Variants in NCALD observed in about 807,000 individuals in gnomAD.
NCALD encodes the protein neurocalcin-delta.
Under a neutral mutation model 18.6 loss-of-function variants are expected in NCALD, and 10 were observed. The observed-to-expected ratio is 0.54, with a 90% CI of 0.33 to 0.91. The LOEUF (loss-of-function observed/expected upper bound fraction) is 0.91. Ranked by LOEUF, NCALD falls within the 40% of genes least tolerant of loss-of-function variation. The pLI is 0.03. For synonymous variants in NCALD, 88 were observed against 87.4 expected, an observed-to-expected ratio of 1.01 and a Z score of -0.04; for missense variants, 184 against 247.6, an observed-to-expected ratio of 0.74 and a Z score of 1.72.
At chr8:101,890,337 G>A (rs1236910905) in intron 3 of NCALD, among the ~76,000 whole-genome samples, 1 of 152,070 alleles carries the variant, frequency 6.6e-6, no homozygotes, top group Non-Finnish European at 1.5e-5. Context: ...TAACCACTTG[G>A]AACAATTTAA....
Position 101,689,330 on chromosome 8 carries a change from C to A in NCALD, c.561G>T (p.Pro187=). Reference sequence around the variant, plus strand: ...GGGCTCAGAACTGGCCGGCACTGCTCGGGTCGCACTGCAGGAGGCGCACAA... The same window carrying A: ...GGGCTCAGAACTGGCCGGCACTGCTAGGGTCGCACTGCAGGAGGCGCACAA... ...PSIVRLLQCD[P]SSAGQF The change falls in exon 4 of 4, where the codon CCG becomes CCT. Residue 187 remains proline (P), a synonymous_variant. Transcript: ENST00000220931. The surrounding 1 kb of genome is among the most constrained non-coding windows in gnomAD (Gnocchi z 4.4). 2 of 1,613,812 alleles carry A rather than the reference C, an allele frequency of 1.2e-6. No individual in the cohort carries two copies. Among genetic ancestry groups the A allele is most frequent in the Admixed American group, 1.7e-5 (1 of 59,982 alleles).
chr8:101,899,597 G>A (rs2131557656), intron 3 of NCALD, among the ~76,000 whole-genome samples: 1 of 151,910 alleles, frequency 6.6e-6, no homozygotes, highest in East Asian at 1.9e-4. Flanking sequence ...CATGAATGTT[G>A]TTTCATTTTG....
At chr8:102,074,206 G>A (rs78675067) in intron 1 of NCALD, among the ~76,000 whole-genome samples, 9,261 of 152,212 alleles carry the variant, frequency 0.061, 413 homozygotes, top group Non-Finnish European at 0.092. Context: ...TAGTCTATGG[G>A]AAAAAATCAC....
At chr8:101,704,437 T>C (rs1262877275) in intron 2 of NCALD, among the ~76,000 whole-genome samples, 1 of 152,104 alleles carries the variant, frequency 6.6e-6, no homozygotes, top group Admixed American at 6.5e-5. Context: ...GAGTGTACTC[T>C]AGGATACCGC....
chr8:101,740,612 T>C lies in NCALD; in HGVS notation c.-19-20964A>G, dbSNP rs545512611. 1.0e-3 allele frequency among the ~76,000 whole-genome samples: 152 copies of C among 152,186 alleles called. 1 individual carries two copies. The highest frequency in any genetic ancestry group is 1.6e-3 in the Non-Finnish European group (108 of 68,040). The stretch of plus-strand genomic sequence containing the variant: ...AGCTATTTACTATCTGGTTACTATT[T>C]CCATGTCTTGTTAAGAGAAAATGAA... On this transcript the variant is annotated intron_variant, in intron 1 of 3. Transcript: ENST00000220931.
chr8:101,728,131 T>G (rs540297546), intron 1 of NCALD, among the ~76,000 whole-genome samples: 3 of 152,190 alleles, frequency 2.0e-5, no homozygotes, highest in Non-Finnish European at 4.4e-5. Flanking sequence ...AACTTAAGTT[T>G]CCACTAAAAA....
intron 3 of NCALD, among the ~76,000 whole-genome samples, chr8:101,891,663 G>C (rs1440310819): frequency 6.6e-6 from 1 of 152,256 alleles, no homozygotes; most frequent in Non-Finnish European, 1.5e-5. Context: ...CGTGCACCGA[G>C]TGCGAGCCGA....
chr8:101,959,477 G>T (rs1819757629), intron 2 of NCALD, among the ~76,000 whole-genome samples: 1 of 152,090 alleles, frequency 6.6e-6, no homozygotes, highest in Non-Finnish European at 1.5e-5. Flanking sequence ...CTTTGAGACT[G>T]CATAAATATC....
rs138008356 is a variant in NCALD at position 101,927,337 on chromosome 8, C to T, written c.-156-11479G>A. ...GGAGCGTACAGTCTAGATGGGGGGACGGATGGAATACAAGTAAACAAACAT... is the reference window on the plus strand; with the variant it reads ...GGAGCGTACAGTCTAGATGGGGGGATGGATGGAATACAAGTAAACAAACAT... On this transcript the variant is annotated intron_variant, in intron 2 of 6. Coordinates refer to the NCALD transcript ENST00000311028. Among the ~76,000 whole-genome samples, 171 of 152,260 alleles carry T rather than the reference C, an allele frequency of 1.1e-3. 1 individual carries two copies. The highest frequency in any genetic ancestry group is 3.6e-3 in the African/African-American group (150 of 41,548).
chr8:102,028,043 T>C (rs1468461831), intron 1 of NCALD, among the ~76,000 whole-genome samples: 1 of 152,194 alleles, frequency 6.6e-6, no homozygotes, highest in African/African-American at 2.4e-5. Flanking sequence ...TTGAGGAAAT[T>C]TGAATATGGA....
intron 2 of NCALD, among the ~76,000 whole-genome samples, chr8:102,002,395 G>A (rs545088619): frequency 6.6e-6 from 1 of 151,994 alleles, no homozygotes; most frequent in Non-Finnish European, 1.5e-5. Flanking sequence ...TAGAGACCTA[G>A]AAAGAGACTT....
At chr8:101,964,532 G>A (rs1819951563) in intron 2 of NCALD, among the ~76,000 whole-genome samples, 1 of 152,168 alleles carries the variant, frequency 6.6e-6, no homozygotes, top group Admixed American at 6.6e-5. Context: ...GAGAGCACCT[G>A]GTGAAATGTG....
intron 1 of NCALD, among the ~76,000 whole-genome samples, chr8:101,784,406 T>C (rs1301622723): frequency 6.6e-6 from 1 of 152,184 alleles, no homozygotes; most frequent in East Asian, 1.9e-4. Flanking sequence ...CCTAGCATTA[T>C]TTCCACTGTA....
At chr8:101,788,451 G>GTA (rs1812319453) in intron 1 of NCALD, among the ~76,000 whole-genome samples, 1 of 152,252 alleles carries the variant, frequency 6.6e-6, no homozygotes, top group East Asian at 1.9e-4. Context: ...TAGATATCCT[G>GTA]AAATATCTTT....
intron 3 of NCALD, among the ~76,000 whole-genome samples, chr8:101,900,445 T>C (rs1443698955): frequency 6.6e-6 from 1 of 151,988 alleles, no homozygotes; most frequent in East Asian, 1.9e-4. Flanking sequence ...GGAGCTCAGA[T>C]TATCAATTTG....
intron 1 of NCALD, among the ~76,000 whole-genome samples, chr8:101,744,658 A>G (rs551371702): frequency 6.6e-6 from 1 of 152,290 alleles, no homozygotes; most frequent in East Asian, 1.9e-4. Flanking sequence ...CAAACTACCT[A>G]TGGAAATTTC....
chr8:101,699,288 T>C (rs1211373125), intron 2 of NCALD, among the ~76,000 whole-genome samples: 2 of 152,132 alleles, frequency 1.3e-5, no homozygotes, highest in Non-Finnish European at 2.9e-5. Flanking sequence ...TGTGGGGAAA[T>C]AGGAATGCTT....
At chr8:102,072,370 T>TC (rs1824204815) in intron 1 of NCALD, among the ~76,000 whole-genome samples, 1 of 152,088 alleles carries the variant, frequency 6.6e-6, no homozygotes, top group African/African-American at 2.4e-5. Context: ...GGGGAAAGAT[T>TC]CGGCTGTAGG....
intron 4 of NCALD, among the ~76,000 whole-genome samples, chr8:101,856,885 C>G (rs368412187): frequency 1.3e-5 from 2 of 152,128 alleles, no homozygotes; most frequent in African/African-American, 4.8e-5. Context: ...CATTAGGAGC[C>G]ATTCAGATGC....
Sources: gnomAD v4.1 joint callset for allele counts (sites outside exome capture counted in the v4.1 genomes callset) on GRCh38, gnomAD v4.1.1 for gene constraint, Gnocchi (gnomAD v3.1) non-coding constraint, MANE v1.5 for transcripts, NCBI Gene and HGNC (gene_info 2026-07-23, HGNC 2026-07-21) for gene names.